Variants in UBAP2 observed in about 807,000 individuals in gnomAD.
UBAP2 encodes the protein ubiquitin-associated protein 2.
UBAP2 carries 75 observed loss-of-function variants against 139.6 expected under a neutral mutation model. The observed-to-expected ratio is 0.54, with a 90% confidence interval of 0.45 to 0.65. UBAP2 has a LOEUF of 0.65. Ranked by LOEUF, UBAP2 falls within the 30% of genes least tolerant of loss-of-function variation. The pLI is 0.00. For synonymous variants in UBAP2, 526 were observed against 526.2 expected (o/e 1.00, Z 0.01); for missense variants, 1,368 against 1,369.6 (o/e 1.00, Z 0.02).
chr9:34,034,345 A>G (rs1192607404), intron 1 of UBAP2, among the ~76,000 whole-genome samples: 3 of 152,096 alleles, frequency 2.0e-5, no homozygotes, highest in Admixed American at 2.0e-4. Flanking sequence ...GTAAAAGTAT[A>G]TTGCTTTTAT....
At chr9:34,015,442 C>G (rs574700922) in intron 2 of UBAP2, among the ~76,000 whole-genome samples, 1 of 152,202 alleles carries the variant, frequency 6.6e-6, no homozygotes, top group South Asian at 2.1e-4. Context: ...GCCTCAGCCT[C>G]CCGACTAACT....
Position 34,036,470 on chromosome 9 carries a change from A to G in UBAP2, c.-42+12355T>C, listed in dbSNP as rs73482989. 3.4e-3 allele frequency among the ~76,000 whole-genome samples: 514 copies of G among 152,256 alleles called. 5 individuals carry two copies. The highest frequency in any genetic ancestry group is 0.012 in the African/African-American group (482 of 41,554). On this transcript the variant is annotated intron_variant, in intron 1 of 28. Coordinates refer to ENST00000379238, the MANE Select transcript of UBAP2 (RefSeq NM_001370062.2). ...AAGAAAACTAAGGCTCAGCCTCCCC[A>G]GCTCAAGGAATCCTTGCCAAATACT...
At chr9:33,956,417 C>T (rs1826571814) in intron 10 of UBAP2, among the ~76,000 whole-genome samples, 1 of 150,838 alleles carries the variant, frequency 6.6e-6, no homozygotes, top group African/African-American at 2.4e-5. Flanking sequence ...CTCCTGGGTT[C>T]AAGCGATCAT....
At chr9:34,038,856 G>A (rs1479620974) in intron 1 of UBAP2, among the ~76,000 whole-genome samples, 5 of 150,210 alleles carry the variant, frequency 3.3e-5, no homozygotes, top group African/African-American at 7.4e-5. Flanking sequence ...CTGCCCGGCC[G>A]CCCATCGTCT....
At chr9:33,964,656 C>T (rs933082381) in intron 8 of UBAP2, among the ~76,000 whole-genome samples, 16 of 151,500 alleles carry the variant, frequency 1.1e-4, no homozygotes, top group Middle Eastern at 3.4e-3. Context: ...ACTAAGATTA[C>T]GCCTGTGAAT....
chr9:34,041,692 C>G (rs1314845246), intron 1 of UBAP2, among the ~76,000 whole-genome samples: 1 of 152,002 alleles, frequency 6.6e-6, no homozygotes, highest in Non-Finnish European at 1.5e-5. Flanking sequence ...GGCAAAAGAG[C>G]AAGACTCCGT....
In UBAP2 at chr9:33,922,297, A is replaced by C. The variant is rs1204479854; in HGVS notation, c.*207T>G. ...GGCTAACATCTGCCGCCATCCCCCAACTCCCCCCCAGACTTCTATCACATT... is the reference window on the plus strand; with the variant it reads ...GGCTAACATCTGCCGCCATCCCCCACCTCCCCCCCAGACTTCTATCACATT... On this transcript the variant is annotated 3_prime_UTR_variant, in exon 29 of 29. Transcript: ENST00000379238. 1.7e-6 allele frequency: 1 copy of C among 577,266 alleles called. No individual in the cohort carries two copies. Among genetic ancestry groups the C allele is most frequent in the Admixed American group, 3.1e-5 (1 of 32,596 alleles). 35.8% of individuals were successfully genotyped at this position (577,266 alleles called of 1,614,324 possible).
At chr9:34,041,753 G>A (rs1421523990) in intron 1 of UBAP2, among the ~76,000 whole-genome samples, 1 of 152,048 alleles carries the variant, frequency 6.6e-6, no homozygotes, top group Non-Finnish European at 1.5e-5. Context: ...GCTGGGTGCA[G>A]TGGCTCATGC....
intron 1 of UBAP2, among the ~76,000 whole-genome samples, chr9:34,048,554 C>G (rs1246778626): frequency 6.6e-6 from 1 of 152,114 alleles, no homozygotes; most frequent in Non-Finnish European, 1.5e-5. Context: ...GGAGGCACCC[C>G]TGGGGCTGGG....
chr9:34,017,478 G>A (rs930092474), intron 1 of UBAP2, among the ~76,000 whole-genome samples: 3 of 152,126 alleles, frequency 2.0e-5, no homozygotes, highest in African/African-American at 7.2e-5. Context: ...TACATGAAGT[G>A]CTATCTGCCT....
intron 2 of UBAP2, among the ~76,000 whole-genome samples, chr9:34,005,200 T>C (rs1823085708): frequency 6.7e-6 from 1 of 148,918 alleles, no homozygotes; most frequent in South Asian, 2.1e-4. Context: ...GAGGCGGAGG[T>C]TGCAGTGAGC....
intron 1 of UBAP2, among the ~76,000 whole-genome samples, chr9:34,023,286 A>G (rs905557693): frequency 1.3e-5 from 2 of 152,100 alleles, no homozygotes; most frequent in Non-Finnish European, 2.9e-5. Flanking sequence ...TCCATACAGG[A>G]GTGCCATCTG....
chr9:33,975,642 C>CA (rs200263941), intron 6 of UBAP2, among the ~76,000 whole-genome samples: 11,791 of 143,420 alleles, frequency 0.082, 666 homozygotes, highest in Non-Finnish European at 0.12. Flanking sequence ...ACTAAAAATA[C>CA]AAAAAAAAGA....
In UBAP2 at chr9:33,944,635, G is replaced by T; in HGVS notation, c.1275C>A (p.Phe425Leu). 6.2e-7 allele frequency: 1 copy of T among 1,611,360 alleles called. No individual in the cohort carries two copies. Among genetic ancestry groups the T allele is most frequent in the Non-Finnish European group, 8.5e-7 (1 of 1,177,910 alleles). The change falls in exon 14 of 29, where the codon TTC becomes TTA. Residue 425 changes from phenylalanine to leucine, a missense_variant. By Grantham distance (22) the Phe-to-Leu change is conservative. Transcript: ENST00000379238. ...CTGGGGATGGCTCAGGTTGAGATTT[G>T]AAGTCTAAAAAAAGTAAGCAGCAAT... ...SQSSVLSHLDFKSQPEPSPVL... is the reference protein window; with the variant it reads ...SQSSVLSHLDLKSQPEPSPVL...
intron 2 of UBAP2, among the ~76,000 whole-genome samples, chr9:34,006,512 CA>C (rs1167346304): frequency 6.6e-6 from 1 of 151,880 alleles, no homozygotes; most frequent in East Asian, 1.9e-4. Flanking sequence ...AAACCCTTTA[CA>C]AAAAAATACA....
intron 17 of UBAP2, among the ~76,000 whole-genome samples, chr9:33,935,063 A>G (rs1824337456): frequency 6.6e-6 from 1 of 151,400 alleles, no homozygotes; most frequent in African/African-American, 2.4e-5. Flanking sequence ...AAGAAAGAAA[A>G]CTACTATAAA....
At chr9:33,952,807 A>C (rs1826213912) in intron 12 of UBAP2, 1 of 154,678 alleles carries the variant, frequency 6.5e-6, no homozygotes, top group Non-Finnish European at 1.5e-5. Flanking sequence ...ACATGGAATC[A>C]TCAGATATGT....
At chr9:34,006,681 CA>C (rs796733793) in intron 2 of UBAP2, among the ~76,000 whole-genome samples, 73 of 139,644 alleles carry the variant, frequency 5.2e-4, no homozygotes, top group Admixed American at 6.5e-4. Flanking sequence ...GACCTTGTCT[CA>C]AAAAAAAAAA....
At position 33,927,106 on chromosome 9, in the gene UBAP2, AGT is replaced by A. The variant is rs760980299; in HGVS notation, c.2372-28_2372-27del. The A allele has an allele frequency of 1.0e-5, 16 of 1,565,388 alleles. 1 individual carries two copies. The East Asian group carries it at 3.4e-4, about 33-fold the overall frequency. On this transcript the variant is annotated intron_variant, in intron 20 of 28. Coordinates refer to ENST00000379238, the MANE Select transcript of UBAP2 (RefSeq NM_001370062.2). ...CTGTATAGAGGGAAAAATCAAATGG[AGT>A]GAAATGGTCACCACAAAGAGTGAGA...
Sources: gnomAD v4.1 joint callset for allele counts (sites outside exome capture counted in the v4.1 genomes callset) on GRCh38, gnomAD v4.1.1 for gene constraint, MANE v1.5 for transcripts, NCBI Gene and HGNC (gene_info 2026-07-23, HGNC 2026-07-21) for gene names.